The following NOL4 variants were observed in gnomAD, a reference collection of about 807,000 sequenced individuals.
NOL4 encodes the protein nucleolar protein 4, also known as cancer/testis antigen 125.
A neutral mutation model predicts 75.9 loss-of-function variants in NOL4; 17 were observed. The ratio of observed to expected loss-of-function variants is 0.22; its 90% CI spans 0.15 to 0.34. NOL4 has a LOEUF of 0.34. NOL4 is among the 10% of genes least tolerant of loss of function. The pLI, the probability that NOL4 is intolerant of heterozygous loss-of-function variation, is 1.00. For synonymous variants in NOL4, 292 were observed against 289.9 expected, an observed-to-expected ratio of 1.01 and a Z score of -0.07; for missense variants, 614 against 793.5, an observed-to-expected ratio of 0.77 and a Z score of 2.72.
At chr18:34,146,809 C>A (rs2081419133) in intron 1 of NOL4, among the ~76,000 whole-genome samples, 2 of 151,936 alleles carry the variant, frequency 1.3e-5, no homozygotes, top group Admixed American at 6.6e-5. Flanking sequence ...TTACTTTCGG[C>A]AGTATGGCCA....
At chr18:33,898,018 G>A (rs557671502) in intron 9 of NOL4, among the ~76,000 whole-genome samples, 10 of 151,992 alleles carry the variant, frequency 6.6e-5, no homozygotes, top group Admixed American at 2.0e-4. Context: ...GGCAATCCTC[G>A]CACCTCAGCC....
In NOL4 at chr18:33,943,077, C is replaced by T. The variant is rs2068603161; in HGVS notation, c.1530G>A (p.Leu510=). The T allele has an allele frequency of 1.2e-6, 2 of 1,610,602 alleles. No individual in the cohort carries two copies. Among genetic ancestry groups the T allele is most frequent in the Non-Finnish European group, 1.7e-6 (2 of 1,177,928 alleles). The part of the protein sequence containing the change: ...ESRNAAKRMR[L]ERQQDESAPA... ...GATGCCTCAGTACCTGCTGTCTCTC[C>T]AGACGCATCCTCTTGGCGGCATTTC... Residue 510 remains leucine (L), a synonymous_variant, in exon 9 of 11, where the codon CTG becomes CTA. Coordinates refer to ENST00000261592, the MANE Select transcript of NOL4 (RefSeq NM_003787.5).
intron 1 of NOL4, among the ~76,000 whole-genome samples, chr18:34,153,781 T>C (rs983073912): frequency 6.6e-6 from 1 of 152,024 alleles, no homozygotes; most frequent in Non-Finnish European, 1.5e-5. Flanking sequence ...GAAATTAATT[T>C]CTCTTTCATC....
At chr18:33,898,480 A>G (rs1429077577) in intron 9 of NOL4, among the ~76,000 whole-genome samples, 5 of 152,100 alleles carry the variant, frequency 3.3e-5, no homozygotes, top group African/African-American at 4.8e-5. Flanking sequence ...ATTTTTAATT[A>G]TGAAGAAACA....
chr18:34,222,524 C>A, intron 1 of NOL4: 1 of 860,436 alleles, frequency 1.2e-6, no homozygotes, highest in Non-Finnish European at 1.4e-6. Flanking sequence ...TACATTCGGG[C>A]TTTATGCCAA....
chr18:33,899,284 C>T (rs530308848), intron 9 of NOL4, among the ~76,000 whole-genome samples: 59 of 152,220 alleles, frequency 3.9e-4, no homozygotes, highest in African/African-American at 1.2e-3. Context: ...TTTCTTTTCA[C>T]CCTGATCTTA....
chr18:33,857,808 G>C (rs2062905843), intron 10 of NOL4, among the ~76,000 whole-genome samples: 1 of 152,050 alleles, frequency 6.6e-6, no homozygotes, highest in Non-Finnish European at 1.5e-5. Flanking sequence ...CTCTTTCAAG[G>C]AATAACCATA....
At chr18:33,967,270 C>T (rs1419481571) in intron 6 of NOL4, among the ~76,000 whole-genome samples, 1 of 152,022 alleles carries the variant, frequency 6.6e-6, no homozygotes, top group African/African-American at 2.4e-5. Flanking sequence ...AACTGGCTAC[C>T]CATATGCAGG....
Position 33,872,056 on chromosome 18 carries a change from T to C in NOL4, c.1723+11188A>G, listed in dbSNP as rs114192783. On this transcript the variant is annotated intron_variant, in intron 10 of 10. Transcript: ENST00000261592. The stretch of plus-strand genomic sequence containing the variant: ...AATAAGAATCATCTCTCTGAATCTA[T>C]GTATCTCAATATATATCTTTATAAA... Among the ~76,000 whole-genome samples the C allele has an allele frequency of 3.4e-3, 525 of 152,198 alleles. 8 individuals are homozygous for C. The highest frequency in any genetic ancestry group is 0.012 in the African/African-American group (514 of 41,558).
intron 6 of NOL4, among the ~76,000 whole-genome samples, chr18:33,966,805 G>C (rs1433980514): frequency 6.6e-6 from 1 of 151,960 alleles, no homozygotes; most frequent in Non-Finnish European, 1.5e-5. Flanking sequence ...TCTACAAAGA[G>C]AGTACTACTT....
At chr18:34,214,670 C>G (rs2036753140) in intron 1 of NOL4, among the ~76,000 whole-genome samples, 1 of 152,066 alleles carries the variant, frequency 6.6e-6, no homozygotes, top group Non-Finnish European at 1.5e-5. Context: ...GTGTACATAT[C>G]CAGAAAAATT....
In NOL4 at chr18:33,883,385, C is replaced by T. The variant is rs911052958; in HGVS notation, c.1582G>A (p.Ala528Thr). ...APADKQCKPE[A>T]TQATYSTSAV... ...GATGTTGAGTAAGTGGCCTGGGTCG[C>T]CTCTGGTTTACACTGTTTGTCAGCT... is the stretch of plus-strand genomic sequence containing the variant. The change falls in exon 10 of 11, where the codon GCG becomes ACG. Residue 528 changes from alanine to threonine, a missense_variant. Ala to Thr is a moderately conservative substitution (Grantham distance 58). Transcript: ENST00000261592. The T allele has an allele frequency of 6.2e-6, 10 of 1,612,300 alleles. No individual in the cohort carries two copies. The highest frequency in any genetic ancestry group is 1.1e-5 in the South Asian group (1 of 90,918).
intron 4 of NOL4, among the ~76,000 whole-genome samples, chr18:34,095,766 A>G (rs1360753892): frequency 6.6e-6 from 1 of 152,188 alleles, no homozygotes; most frequent in Non-Finnish European, 1.5e-5. Context: ...ATATGAACAT[A>G]TACAACAAAA....
intron 6 of NOL4, among the ~76,000 whole-genome samples, chr18:33,974,420 G>A (rs1043559970): frequency 6.6e-6 from 1 of 152,154 alleles, no homozygotes; most frequent in African/African-American, 2.4e-5. Context: ...ATGTGCTCAT[G>A]AATAATGGAG....
intron 10 of NOL4, among the ~76,000 whole-genome samples, chr18:33,877,407 C>A (rs1264689310): frequency 1.4e-5 from 2 of 147,306 alleles, no homozygotes; most frequent in East Asian, 2.0e-4. Context: ...AGTTGCACCC[C>A]AGCCTAGGTA....
At chr18:33,989,859 G>A (rs1290997185) in intron 6 of NOL4, among the ~76,000 whole-genome samples, 2 of 152,030 alleles carry the variant, frequency 1.3e-5, no homozygotes, top group East Asian at 3.9e-4. Flanking sequence ...TATAGCACGT[G>A]CAATGTTCAT....
At chr18:33,953,776 G>T (rs1001832518) in intron 8 of NOL4, among the ~76,000 whole-genome samples, 1 of 152,112 alleles carries the variant, frequency 6.6e-6, no homozygotes, top group Non-Finnish European at 1.5e-5. Context: ...AAATACCAAA[G>T]ATTTGTATAT....
intron 6 of NOL4, among the ~76,000 whole-genome samples, chr18:34,003,739 T>C (rs1313467537): frequency 6.6e-6 from 1 of 152,070 alleles, no homozygotes; most frequent in African/African-American, 2.4e-5. Flanking sequence ...TGTTTGGTTA[T>C]CATTTGCTTC....
intron 10 of NOL4, among the ~76,000 whole-genome samples, chr18:33,878,747 T>C (rs998259115): frequency 6.6e-6 from 1 of 152,018 alleles, no homozygotes; most frequent in Non-Finnish European, 1.5e-5. Context: ...TTGTGTTTTT[T>C]AAAAAACAAA....
Sources: allele counts gnomAD v4.1 joint callset (sites outside exome capture counted in the v4.1 genomes callset), GRCh38; gene constraint gnomAD v4.1.1; transcripts MANE v1.5; gene names NCBI Gene and HGNC (gene_info 2026-07-23, HGNC 2026-07-21).